Variants in VTI1A observed in about 807,000 individuals in gnomAD.
VTI1A encodes the protein vesicle transport through interaction with t-SNAREs 1A.
A neutral mutation model predicts 34.9 loss-of-function variants in VTI1A; 22 were observed. The ratio of observed to expected loss-of-function variants is 0.63; its 90% CI spans 0.45 to 0.90. The LOEUF (loss-of-function observed/expected upper bound fraction) is 0.90. VTI1A is among the 40% of genes least tolerant of loss of function. VTI1A has a pLI of 0.00. For missense variants in VTI1A, 268 were observed against 275.6 expected (o/e 0.97, Z 0.20); for synonymous variants, 87 against 97.3 (o/e 0.89, Z 0.62).
At chr10:112,685,821 G>A (rs1325787109) in intron 7 of VTI1A, among the ~76,000 whole-genome samples, 1 of 152,130 alleles carries the variant, frequency 6.6e-6, no homozygotes, top group Admixed American at 6.6e-5. Context: ...TCTGTGGACT[G>A]TCTTTATTGG....
At chr10:112,474,082 G>GATGGA (rs1848195748) in intron 3 of VTI1A, among the ~76,000 whole-genome samples, 2 of 150,432 alleles carry the variant, frequency 1.3e-5, no homozygotes, top group East Asian at 3.9e-4. Flanking sequence ...TTTTTTTTGA[G>GATGGA]ATGGAGTCTC....
chr10:112,808,397 G>T (rs891398366), intron 7 of VTI1A, among the ~76,000 whole-genome samples: 5 of 152,016 alleles, frequency 3.3e-5, no homozygotes, highest in African/African-American at 1.2e-4. Flanking sequence ...AGGCTGAGGT[G>T]GGCAGATCAC....
intron 5 of VTI1A, among the ~76,000 whole-genome samples, chr10:112,582,298 A>G (rs1004259621): frequency 6.6e-6 from 1 of 152,160 alleles, no homozygotes; most frequent in African/African-American, 2.4e-5. Flanking sequence ...CCCAGTGTGC[A>G]TTCTCCAGAT....
chr10:112,788,758 G>A (rs1474794675), intron 7 of VTI1A, among the ~76,000 whole-genome samples: 2 of 151,510 alleles, frequency 1.3e-5, no homozygotes, highest in African/African-American at 2.4e-5. Flanking sequence ...CTGCTTTTCT[G>A]CCTCCTTTTT....
intron 7 of VTI1A, among the ~76,000 whole-genome samples, chr10:112,758,732 A>G (rs967875164): frequency 2.6e-5 from 4 of 152,302 alleles, no homozygotes; most frequent in African/African-American, 9.6e-5. Flanking sequence ...ATAATAGAAA[A>G]TCCCTCCAAG....
chr10:112,814,078 A>T (rs1853421147), intron 7 of VTI1A, among the ~76,000 whole-genome samples: 1 of 152,204 alleles, frequency 6.6e-6, no homozygotes, highest in African/African-American at 2.4e-5. Flanking sequence ...CTACAACCTG[A>T]TGTCATCCTT....
At chr10:112,736,107 G>GTTTATATATA (rs1468293852) in intron 7 of VTI1A, among the ~76,000 whole-genome samples, 1 of 100,878 alleles carries the variant, frequency 9.9e-6, no homozygotes, top group Admixed American at 9.2e-5. Flanking sequence ...ATATATGTGT[G>GTTTATATATA]TGTGTATATA....
At chr10:112,465,789 G>C (rs545215637) in intron 3 of VTI1A, among the ~76,000 whole-genome samples, 3 of 152,110 alleles carry the variant, frequency 2.0e-5, no homozygotes, top group East Asian at 3.9e-4. Context: ...CTGGAGATTG[G>C]TTACTCAACA....
chr10:112,465,759 A>G (rs1024007164), intron 3 of VTI1A, among the ~76,000 whole-genome samples: 2 of 152,316 alleles, frequency 1.3e-5, no homozygotes, highest in East Asian at 1.9e-4. Context: ...GTTTTGCCAG[A>G]CTGAAACTTA....
intron 5 of VTI1A, among the ~76,000 whole-genome samples, chr10:112,605,028 C>A (rs1030774999): frequency 6.6e-6 from 1 of 152,112 alleles, no homozygotes. Flanking sequence ...GAATTCCTTT[C>A]GGTATACATT....
At chr10:112,847,438 TCTTC>T in the VTI1A span, among the ~76,000 whole-genome samples, 22 of 152,316 alleles carry the variant, frequency 1.4e-4, no homozygotes, top group African/African-American at 5.1e-4. Context: ...CTATGTCACC[TCTTC>T]CTTCTATCCC....
chr10:112,731,411 A>C (rs1413589665), intron 7 of VTI1A, among the ~76,000 whole-genome samples: 1 of 152,062 alleles, frequency 6.6e-6, no homozygotes, highest in Non-Finnish European at 1.5e-5. Flanking sequence ...CATCTCTACT[A>C]AAAATACAAA....
intron 7 of VTI1A, among the ~76,000 whole-genome samples, chr10:112,702,759 T>C (rs996883459): frequency 1.3e-5 from 2 of 152,190 alleles, no homozygotes; most frequent in South Asian, 2.1e-4. Context: ...CTAATTTTTG[T>C]ATTTTTGGTA....
chr10:112,677,662 G>C (rs1201122687), intron 7 of VTI1A: 1 of 152,284 alleles, frequency 6.6e-6, no homozygotes, highest in Non-Finnish European at 1.5e-5. Flanking sequence ...CGCACAGTCA[G>C]CTGGAGGGTC....
chr10:112,476,876 C>A (rs978017089), intron 3 of VTI1A, among the ~76,000 whole-genome samples: 2 of 152,046 alleles, frequency 1.3e-5, no homozygotes, highest in Non-Finnish European at 2.9e-5. Context: ...AGATGTGGAA[C>A]AAAATTTAAA....
intron 5 of VTI1A, among the ~76,000 whole-genome samples, chr10:112,560,103 C>T (rs1028128889): frequency 7.2e-5 from 11 of 152,110 alleles, no homozygotes; most frequent in Non-Finnish European, 1.3e-4. Flanking sequence ...TCTTGAAAGG[C>T]CTTCTGACTC....
chr10:112,740,449 ATGG>A (rs1450872857), intron 7 of VTI1A, among the ~76,000 whole-genome samples: 7 of 152,128 alleles, frequency 4.6e-5, no homozygotes, highest in African/African-American at 1.4e-4. Context: ...CCCACAACAC[ATGG>A]CTAATTTTTG....
At position 112,633,627 on chromosome 10, in the gene VTI1A, C is replaced by T. The variant is rs565706244; in HGVS notation, c.428-34591C>T. Reference sequence around the variant, plus strand: ...CAGTGGTGAGGAAAAGGGCATTGCCCCCAAAAAGTAATGTCTCCCATGCAG... The same window carrying T: ...CAGTGGTGAGGAAAAGGGCATTGCCTCCAAAAAGTAATGTCTCCCATGCAG... On this transcript the variant is annotated intron_variant, in intron 5 of 7. Transcript: ENST00000393077. 7.2e-5 allele frequency among the ~76,000 whole-genome samples: 11 copies of T among 152,078 alleles called. No homozygotes were observed. The East Asian group carries it at 1.9e-3, about 27-fold the overall frequency.
chr10:112,738,615 CT>C (rs1850583830), intron 7 of VTI1A, among the ~76,000 whole-genome samples: 1 of 152,154 alleles, frequency 6.6e-6, no homozygotes, highest in African/African-American at 2.4e-5. Context: ...TAAAATTAAT[CT>C]TTTCTCCCCA....
Sources: gnomAD v4.1 joint callset for allele counts (sites outside exome capture counted in the v4.1 genomes callset) on GRCh38, gnomAD v4.1.1 for gene constraint, MANE v1.5 for transcripts, NCBI Gene and HGNC (gene_info 2026-07-23, HGNC 2026-07-21) for gene names.